TCF7L2: variants seen among roughly 807,000 people sequenced by gnomAD.
TCF7L2 encodes transcription factor 7 like 2, also known as transcription factor 7-like 2.
A neutral mutation model predicts 77.9 loss-of-function variants in TCF7L2; 23 were observed. That is an observed-to-expected ratio of 0.30 (90% CI 0.21 to 0.42). The LOEUF (loss-of-function observed/expected upper bound fraction) is 0.42, where lower values mean the gene tolerates loss of function less well. Ranked by LOEUF, TCF7L2 falls within the 10% of genes least tolerant of loss-of-function variation. TCF7L2 has a pLI of 1.00. For missense variants in TCF7L2, 654 were observed against 793.1 expected (o/e 0.82, Z 2.11); for synonymous variants, 413 against 340.2 (o/e 1.21, Z -2.36).
rs2137157718 is a variant in TCF7L2, at chr10:113,151,909, A to G, written c.1161+25A>G. 6.3e-7 allele frequency: 1 copy of G among 1,583,550 alleles called. No individual in the cohort carries two copies. The highest frequency in any genetic ancestry group is 8.5e-7 in the Non-Finnish European group (1 of 1,169,614). On this transcript the variant is annotated intron_variant, in intron 10 of 13. Transcript: ENST00000627217. The surrounding 1 kb of genome is among the most constrained non-coding windows in gnomAD (Gnocchi z 5.2). ...GGTAGGTGACGCCCTTCTCAGGGAG[A>G]AGCGGGGGGCGGGTGGTGAGGGACC...
intron 4 of TCF7L2, among the ~76,000 whole-genome samples, chr10:113,019,028 G>A (rs2047833491): frequency 6.6e-6 from 1 of 152,142 alleles, no homozygotes; most frequent in African/African-American, 2.4e-5. Flanking sequence ...GAGGGTCCCG[G>A]GCCAATGGGA....
chr10:113,086,253 A>G (rs2059820802), intron 5 of TCF7L2, among the ~76,000 whole-genome samples: 1 of 152,204 alleles, frequency 6.6e-6, no homozygotes, highest in Non-Finnish European at 1.5e-5. Context: ...GCTTGAGTCT[A>G]AATTCCTCTC....
intron 7 of TCF7L2, 147 bp downstream of exon 7, chr10:113,144,172 G>A (rs2068901216): frequency 1.3e-6 from 1 of 742,470 alleles, no homozygotes; most frequent in East Asian, 2.9e-5. Context: ...TTGGGGAGGG[G>A]GCTGCGGGAG....
At chr10:113,045,006 A>G (rs964710376) in intron 5 of TCF7L2, among the ~76,000 whole-genome samples, 1 of 152,154 alleles carries the variant, frequency 6.6e-6, no homozygotes, top group Non-Finnish European at 1.5e-5. Flanking sequence ...CTGACAGGTT[A>G]GATATTGGCA....
At chr10:112,951,111 C>T in intron 1 of TCF7L2, 96 bp from the exon 2 acceptor site, 11 of 605,308 alleles carry the variant, frequency 1.8e-5, no homozygotes, top group Admixed American at 5.7e-5. Flanking sequence ...TTTTTTTCTA[C>T]CCCCCCCTCG....
rs560622985 is a variant in TCF7L2, at chr10:112,950,466, C to A, written c.-291C>A. 5.6e-3 allele frequency: 1,198 copies of A among 213,578 alleles called. 16 individuals are homozygous for A. The highest frequency in any genetic ancestry group is 0.014 in the Middle Eastern group (9 of 622). The allele number at this position is 213,578 out of a possible 1,614,324, so 13.2% of individuals were successfully genotyped here. On this transcript the variant is annotated 5_prime_UTR_variant, in exon 1 of 14. Transcript: ENST00000627217. ...TTGTTGGTGTTTTTTTTTTTTTTAC[C>A]CCCCTTTTTTATTTATTATTTTTTT...
intron 4 of TCF7L2, among the ~76,000 whole-genome samples, chr10:113,017,741 C>T (rs1027475617): frequency 6.6e-6 from 1 of 152,180 alleles, no homozygotes; most frequent in Admixed American, 6.6e-5. Flanking sequence ...ATTCCTGTCC[C>T]AGTCACCTTA....
chr10:113,047,735 G>C lies in TCF7L2; in HGVS notation c.552+7609G>C, dbSNP rs549453344. 3.5e-4 allele frequency among the ~76,000 whole-genome samples: 53 copies of C among 152,248 alleles called. 1 individual carries two copies. In the South Asian group the frequency reaches 0.011, roughly 30 times the overall value. ...TGAGCTGGGTCAGGATTATGACCCT[G>C]AGTTATGTTTCTGGGAAAATGTACC... is the stretch of plus-strand genomic sequence containing the variant. On this transcript the variant is annotated intron_variant, in intron 5 of 13. Coordinates refer to ENST00000627217, the MANE Select transcript of TCF7L2 (RefSeq NM_001146274.2).
chr10:113,045,984 C>T (rs1301068209), intron 5 of TCF7L2, among the ~76,000 whole-genome samples: 1 of 152,066 alleles, frequency 6.6e-6, no homozygotes, highest in African/African-American at 2.4e-5. Context: ...TAGGAAGAAC[C>T]AGGCAATCAG....
chr10:113,016,824 C>T (rs2047413232), intron 4 of TCF7L2, among the ~76,000 whole-genome samples: 2 of 152,204 alleles, frequency 1.3e-5, no homozygotes, highest in Admixed American at 1.3e-4. Flanking sequence ...AGCCACTGTC[C>T]CCTGAATGCC....
At chr10:113,163,605 A>G (rs914646431) in intron 13 of TCF7L2, among the ~76,000 whole-genome samples, 2 of 152,032 alleles carry the variant, frequency 1.3e-5, no homozygotes, top group Admixed American at 6.5e-5. Flanking sequence ...GAGAGGCTTA[A>G]TTATTTATCT....
chr10:113,017,373 A>G (rs1489101049), intron 4 of TCF7L2, among the ~76,000 whole-genome samples: 1 of 105,160 alleles, frequency 9.5e-6, no homozygotes, highest in African/African-American at 6.1e-5. Flanking sequence ...CGAGGAAACA[A>G]ATGACCAGTG....
At chr10:113,141,546 T>C (rs1257713035) in intron 6 of TCF7L2, among the ~76,000 whole-genome samples, 1 of 152,216 alleles carries the variant, frequency 6.6e-6, no homozygotes, top group African/African-American at 2.4e-5. Context: ...ATTTGCAGTG[T>C]TAAAGATCTC....
At chr10:112,997,612 C>G (rs1379754644) in intron 4 of TCF7L2, among the ~76,000 whole-genome samples, 3 of 152,226 alleles carry the variant, frequency 2.0e-5, no homozygotes, top group African/African-American at 7.2e-5. Flanking sequence ...CCTTCTCCCC[C>G]AGGAAGAGTG....
Position 113,151,530 on chromosome 10 carries a change from A to G in TCF7L2, c.1002-195A>G, listed in dbSNP as rs567532159. The stretch of plus-strand genomic sequence containing the variant: ...TGAAACTTGAGGAAGTGATTGCAAA[A>G]TCCCTCTCTTCCCCCAACCCCTCCC... On this transcript the variant is annotated intron_variant, in intron 9 of 13. Transcript: ENST00000627217. The surrounding 1 kb of genome is among the most constrained non-coding windows in gnomAD (Gnocchi z 5.2). Among the ~76,000 whole-genome samples, 45 of 152,108 alleles carry G rather than the reference A, an allele frequency of 3.0e-4. No homozygotes were observed. Among genetic ancestry groups the G allele is most frequent in the Non-Finnish European group, 6.0e-4 (41 of 68,022 alleles).
chr10:113,161,977 A>C (rs1031319043), intron 13 of TCF7L2, among the ~76,000 whole-genome samples: 5 of 152,240 alleles, frequency 3.3e-5, no homozygotes, highest in Non-Finnish European at 5.9e-5. Context: ...CAGCGCTGAC[A>C]GATGTCCCTT....
At chr10:113,055,073 C>T (rs2055149375) in intron 5 of TCF7L2, among the ~76,000 whole-genome samples, 1 of 152,120 alleles carries the variant, frequency 6.6e-6, no homozygotes, top group South Asian at 2.1e-4. Context: ...TAATAACCAT[C>T]CTTTGGGCAA....
intron 5 of TCF7L2, among the ~76,000 whole-genome samples, chr10:113,117,447 C>A: frequency 1.0e-5 from 1 of 97,346 alleles, no homozygotes; most frequent in Middle Eastern, 6.8e-3. Context: ...CTCTCTCTCT[C>A]TCTCTCTCTC....
chr10:113,130,008 T>G, intron 5 of TCF7L2: 1 of 1,261,836 alleles, frequency 7.9e-7, no homozygotes, highest in Non-Finnish European at 1.0e-6. Flanking sequence ...GGGTGTGTGG[T>G]GTGTGTATGG....
Sources: gnomAD v4.1 joint callset for allele counts (sites outside exome capture counted in the v4.1 genomes callset) on GRCh38, gnomAD v4.1.1 for gene constraint, Gnocchi (gnomAD v3.1) non-coding constraint, MANE v1.5 for transcripts, NCBI Gene and HGNC (gene_info 2026-07-23, HGNC 2026-07-21) for gene names.